The following DENND2B variants were observed in gnomAD, a reference collection of about 807,000 sequenced individuals.
The protein encoded by DENND2B is DENN domain-containing protein 2B.
DENND2B carries 32 observed loss-of-function variants against 116.0 expected under a neutral mutation model. That is an observed-to-expected ratio of 0.28 (90% confidence interval 0.21 to 0.37). The LOEUF is 0.37. DENND2B is among the 10% of genes least tolerant of loss of function. The probability of loss-of-function intolerance (pLI) is 1.00; values close to 1 mark genes in which losing one functional copy is unlikely to be tolerated. For missense variants in DENND2B, 1,276 were observed against 1,477.7 expected, an observed-to-expected ratio of 0.86 and a Z score of 2.24; for synonymous variants, 588 against 583.9, an observed-to-expected ratio of 1.01 and a Z score of -0.10.
At chr11:8,726,310 CA>C in intron 3 of DENND2B, 101 bp from the exon 4 acceptor site, 1 of 1,453,800 alleles carries the variant, frequency 6.9e-7, no homozygotes, top group South Asian at 1.4e-5. Context: ...GCCCTCCTTA[CA>C]AAGGCAGCTT....
chr11:8,718,143 G>T, intron 4 of DENND2B: 1 of 107,020 alleles, frequency 9.3e-6, no homozygotes, highest in Non-Finnish European at 1.9e-5. Flanking sequence ...GCTCAGCCTG[G>T]CCTCTGCTTT....
intron 2 of DENND2B, among the ~76,000 whole-genome samples, chr11:8,859,003 G>A (rs1003003625): frequency 2.6e-5 from 4 of 152,160 alleles, no homozygotes; most frequent in African/African-American, 9.7e-5. Context: ...GAAAAGTGAA[G>A]ACAGAGACAA....
intron 3 of DENND2B, among the ~76,000 whole-genome samples, chr11:8,849,370 G>A (rs1397225438): frequency 6.6e-6 from 1 of 151,216 alleles, no homozygotes; most frequent in Non-Finnish European, 1.5e-5. Context: ...GCAGATGGCT[G>A]TAATCCCAGC....
At chr11:8,728,061 G>A (rs1217131500) in intron 3 of DENND2B, among the ~76,000 whole-genome samples, 2 of 151,856 alleles carry the variant, frequency 1.3e-5, no homozygotes, top group African/African-American at 4.8e-5. Context: ...CTAGAGTGCA[G>A]TGGTGTGATC....
chr11:8,803,276 T>C (rs967532412), intron 1 of DENND2B, among the ~76,000 whole-genome samples: 3 of 152,116 alleles, frequency 2.0e-5, no homozygotes, highest in Middle Eastern at 3.4e-3. Context: ...TCCCAGCTAC[T>C]GGGGAGGCTG....
rs2048073268 is a variant in DENND2B at position 8,731,174 on chromosome 11, G to T, written c.116C>A (p.Pro39Gln). 6.5e-7 allele frequency: 1 copy of T among 1,536,166 alleles called. No individual in the cohort carries two copies. Residue 39 changes from proline (P) to glutamine (Q), a missense_variant, in exon 3 of 20, where the codon CCA becomes CAA. Physicochemically the swap from Pro to Gln is moderately conservative, Grantham distance 76. Coordinates refer to ENST00000313726, the MANE Select transcript of DENND2B (RefSeq NM_213618.2). Reference protein sequence around the residue: ...QSVSPPPVLSPPRSPIYPLSD... With the variant: ...QSVSPPPVLSQPRSPIYPLSD... ...GAGCGGGTAGATGGGACTCCTTGGT[G>T]GGGAGAGAACTGGAGGTGGAGAGAC...
chr11:8,734,827 T>G (rs2048723912), intron 2 of DENND2B, among the ~76,000 whole-genome samples: 1 of 148,828 alleles, frequency 6.7e-6, no homozygotes, highest in Non-Finnish European at 1.5e-5. Context: ...ATCACATATC[T>G]CAGAGAATCC....
At position 8,717,732 on chromosome 11, in the gene DENND2B, C is replaced by T; in HGVS notation, c.1629+9G>A. 3 of 1,546,788 alleles carry T rather than the reference C, an allele frequency of 1.9e-6. No homozygotes were observed. The highest frequency in any genetic ancestry group is 1.2e-5 in the South Asian group (1 of 82,690). On this transcript the variant is annotated intron_variant, in intron 5 of 19. Transcript: ENST00000313726. ...CTAACCCTACAGGCCGATGTCAGGGCTGAGTTACCTGTGTGGGCGGGCTGT... is the reference window on the plus strand; with the variant it reads ...CTAACCCTACAGGCCGATGTCAGGGTTGAGTTACCTGTGTGGGCGGGCTGT...
At chr11:8,892,529 A>G (rs527763225) in intron 1 of DENND2B, among the ~76,000 whole-genome samples, 4 of 152,314 alleles carry the variant, frequency 2.6e-5, no homozygotes, top group Non-Finnish European at 5.9e-5. Context: ...AAGAGAGAAG[A>G]ATCAAATAGA....
At chr11:8,756,759 C>T (rs1157051146) in intron 1 of DENND2B, among the ~76,000 whole-genome samples, 6 of 152,150 alleles carry the variant, frequency 3.9e-5, no homozygotes, top group African/African-American at 1.4e-4. Flanking sequence ...CTCATCTATG[C>T]TTTTAGCCTG....
chr11:8,876,363 G>A (rs1169806184), upstream of DENND2B, among the ~76,000 whole-genome samples: 1 of 152,030 alleles, frequency 6.6e-6, no homozygotes, highest in Non-Finnish European at 1.5e-5. Context: ...TAAGTAAACT[G>A]AATTGTGTTA....
At chr11:8,894,033 C>T (rs2064068028) in intron 1 of DENND2B, among the ~76,000 whole-genome samples, 1 of 152,180 alleles carries the variant, frequency 6.6e-6, no homozygotes, top group Non-Finnish European at 1.5e-5. Context: ...CAGCATGGTA[C>T]TGGTACCAAA....
At chr11:8,759,831 C>A (rs1179209222) in intron 1 of DENND2B, among the ~76,000 whole-genome samples, 6 of 152,226 alleles carry the variant, frequency 3.9e-5, no homozygotes, top group Admixed American at 2.6e-4. Context: ...ACATGAGGAA[C>A]AGACTGGCAG....
intron 2 of DENND2B, among the ~76,000 whole-genome samples, chr11:8,738,311 A>C (rs373977691): frequency 6.6e-6 from 1 of 152,064 alleles, no homozygotes; most frequent in East Asian, 1.9e-4. Context: ...ATCACTCTTC[A>C]TGGTTTTCTT....
intron 14 of DENND2B, among the ~76,000 whole-genome samples, chr11:8,700,518 G>A (rs1040885378): frequency 3.3e-5 from 5 of 152,158 alleles, no homozygotes; most frequent in Non-Finnish European, 7.4e-5. Context: ...TCATTTCTCG[G>A]TTTCCTCTCA....
At chr11:8,865,968 CTTTTA>C (rs2063561783) in intron 2 of DENND2B, among the ~76,000 whole-genome samples, 1 of 149,226 alleles carries the variant, frequency 6.7e-6, no homozygotes, top group South Asian at 2.1e-4. Context: ...CTTTTTTTTT[CTTTTA>C]TTTTGAGACG....
At chr11:8,726,597 C>T (rs779052483) in intron 3 of DENND2B, among the ~76,000 whole-genome samples, 34 of 152,316 alleles carry the variant, frequency 2.2e-4, no homozygotes, top group Admixed American at 2.2e-3. Flanking sequence ...TCCCAGGCGA[C>T]GTCTCACTCC....
chr11:8,702,187 A>G lies in DENND2B; in HGVS notation c.2720+385T>C, dbSNP rs148223799. On this transcript the variant is annotated intron_variant, in intron 14 of 19. Coordinates refer to ENST00000313726, the MANE Select transcript of DENND2B (RefSeq NM_213618.2). This position sits in a 1 kb window ranked among gnomAD's most constrained non-coding sequence, Gnocchi z 4.6. The stretch of plus-strand genomic sequence containing the variant: ...TTCCTCACAGCAGCTCTTTCCTCAA[A>G]CTCAGCATCCCATTGAGATGGCTTT... 1.1e-3 allele frequency among the ~76,000 whole-genome samples: 165 copies of G among 151,828 alleles called. 1 individual carries two copies. Among genetic ancestry groups the G allele is most frequent in the African/African-American group, 3.2e-3 (133 of 41,376 alleles).
At chr11:8,709,614 G>A (rs906802234) in intron 11 of DENND2B, among the ~76,000 whole-genome samples, 1 of 151,834 alleles carries the variant, frequency 6.6e-6, no homozygotes, top group Non-Finnish European at 1.5e-5. Context: ...ACCTCCCCAC[G>A]CCCCCTCTCC....
Sources: gnomAD v4.1 joint callset for allele counts (sites outside exome capture counted in the v4.1 genomes callset) on GRCh38, gnomAD v4.1.1 for gene constraint, Gnocchi (gnomAD v3.1) non-coding constraint, MANE v1.5 for transcripts, NCBI Gene and HGNC (gene_info 2026-07-23, HGNC 2026-07-21) for gene names.